The following KCTD8 variants were observed in gnomAD, a reference collection of about 807,000 sequenced individuals.
KCTD8 encodes BTB/POZ domain-containing protein KCTD8.
In KCTD8, 27 loss-of-function variants were observed where a neutral mutation model predicts 31.5. The observed-to-expected ratio is 0.86, with a 90% CI of 0.63 to 1.18. The LOEUF is 1.18. Ranked by LOEUF, KCTD8 falls within the 50% of genes most tolerant of loss-of-function variation. The pLI is 0.00. For synonymous variants in KCTD8, 290 were observed against 280.0 expected, an observed-to-expected ratio of 1.04 and a Z score of -0.36; for missense variants, 658 against 647.7, an observed-to-expected ratio of 1.02 and a Z score of -0.17.
At chr4:44,200,285 G>T (rs1198182235) in intron 1 of KCTD8, among the ~76,000 whole-genome samples, 5 of 151,792 alleles carry the variant, frequency 3.3e-5, no homozygotes, top group Admixed American at 3.3e-4. Context: ...CCAAGAAGGA[G>T]GGGCTCCTCC....
At chr4:44,410,854 G>T (rs1720935857) in intron 1 of KCTD8, among the ~76,000 whole-genome samples, 1 of 152,096 alleles carries the variant, frequency 6.6e-6, no homozygotes, top group East Asian at 1.9e-4. Context: ...ATTAGATTTG[G>T]GTGGGGACAC....
At chr4:44,268,374 G>C (rs1360754600) in intron 1 of KCTD8, among the ~76,000 whole-genome samples, 1 of 152,082 alleles carries the variant, frequency 6.6e-6, no homozygotes, top group Admixed American at 6.6e-5. Flanking sequence ...CAAGAAATTA[G>C]GTATTGATGG....
intron 1 of KCTD8, among the ~76,000 whole-genome samples, chr4:44,385,013 A>C (rs939036340): frequency 1.3e-5 from 2 of 151,628 alleles, no homozygotes; most frequent in Non-Finnish European, 3.0e-5. Context: ...TATAGGAATA[A>C]GCTTAACCAA....
intron 1 of KCTD8, among the ~76,000 whole-genome samples, chr4:44,310,579 T>C (rs1717920275): frequency 6.6e-6 from 1 of 152,048 alleles, no homozygotes; most frequent in African/African-American, 2.4e-5. Context: ...TATTTTACTA[T>C]AAAAGTTTAT....
chr4:44,335,773 A>AT (rs1172702136), intron 1 of KCTD8, among the ~76,000 whole-genome samples: 2 of 152,160 alleles, frequency 1.3e-5, no homozygotes, highest in Admixed American at 6.6e-5. Context: ...AAGAAAAATG[A>AT]TTTTCTAGAG....
chr4:44,289,312 A>T (rs2130642), intron 1 of KCTD8, among the ~76,000 whole-genome samples: 64,352 of 151,678 alleles, frequency 0.42, 13,771 homozygotes, highest in Non-Finnish European at 0.47. Flanking sequence ...ATTCAAAGAA[A>T]CAAAAGTATA....
rs190899932 is a variant in KCTD8, at chr4:44,192,432, A to T, written c.962-17182T>A. Among the ~76,000 whole-genome samples, 1,319 of 151,836 alleles carry T rather than the reference A, an allele frequency of 8.7e-3. 16 individuals are homozygous for T. The highest frequency in any genetic ancestry group is 0.03 in the African/African-American group (1,245 of 41,388). On this transcript the variant is annotated intron_variant, in intron 1 of 1. Coordinates refer to ENST00000360029, the MANE Select transcript of KCTD8 (RefSeq NM_198353.3). ...CTCGTATGTCCTGAGGGGAAAAAAA[A>T]AATCTATCTCAAACAGTGGATGGGG...
chr4:44,317,365 G>A (rs1461287969), intron 1 of KCTD8, among the ~76,000 whole-genome samples: 3 of 140,268 alleles, frequency 2.1e-5, no homozygotes, highest in Non-Finnish European at 3.0e-5. Flanking sequence ...TCAGCCTCCC[G>A]AGTAGCTGGG....
chr4:44,409,034 G>A (rs1720890052), intron 1 of KCTD8, among the ~76,000 whole-genome samples: 1 of 151,816 alleles, frequency 6.6e-6, no homozygotes, highest in Non-Finnish European at 1.5e-5. Context: ...TTTGTGTCCA[G>A]GAGTTTGAGA....
intron 1 of KCTD8, among the ~76,000 whole-genome samples, chr4:44,329,923 C>A (rs1226687013): frequency 6.6e-6 from 1 of 151,686 alleles, no homozygotes; most frequent in Non-Finnish European, 1.5e-5. Context: ...CATTGAAGAC[C>A]ACAGAAGCTT....
At chr4:44,436,419 T>A (rs919462546) in intron 1 of KCTD8, among the ~76,000 whole-genome samples, 10 of 152,020 alleles carry the variant, frequency 6.6e-5, no homozygotes, top group African/African-American at 2.4e-4. Context: ...AGAGAGACTA[T>A]CTTATATTAA....
intron 1 of KCTD8, among the ~76,000 whole-genome samples, chr4:44,439,318 T>C (rs1721757290): frequency 2.0e-5 from 3 of 152,330 alleles, no homozygotes; most frequent in Admixed American, 6.5e-5. Context: ...TTCTTTATTA[T>C]ATTAGTTTCT....
chr4:44,268,112 T>A (rs1489621004), intron 1 of KCTD8, among the ~76,000 whole-genome samples: 2 of 152,010 alleles, frequency 1.3e-5, no homozygotes, highest in Non-Finnish European at 2.9e-5. Context: ...TCAGACCAAT[T>A]TCCTTGATGA....
At chr4:44,260,207 T>C (rs897604154) in intron 1 of KCTD8, among the ~76,000 whole-genome samples, 1 of 151,884 alleles carries the variant, frequency 6.6e-6, no homozygotes, top group African/African-American at 2.4e-5. Flanking sequence ...ATATCTTGAA[T>C]ATCTTCTAGG....
chr4:44,267,358 C>A (rs1442983809), intron 1 of KCTD8, among the ~76,000 whole-genome samples: 1 of 152,122 alleles, frequency 6.6e-6, no homozygotes, highest in Non-Finnish European at 1.5e-5. Flanking sequence ...AGAACAAAGA[C>A]ACAACATACC....
chr4:44,186,764 G>C (rs1342892679), intron 1 of KCTD8, among the ~76,000 whole-genome samples: 5 of 152,228 alleles, frequency 3.3e-5, no homozygotes, highest in Non-Finnish European at 7.3e-5. Context: ...TTATGGGATA[G>C]AGAGTTTTTC....
At chr4:44,225,199 C>T (rs564220497) in intron 1 of KCTD8, among the ~76,000 whole-genome samples, 83 of 152,302 alleles carry the variant, frequency 5.4e-4, no homozygotes, top group African/African-American at 1.9e-3. Flanking sequence ...TTTTATTTAT[C>T]ATTAAGTTCT....
At chr4:44,429,272 G>A (rs771399872) in intron 1 of KCTD8, among the ~76,000 whole-genome samples, 1 of 151,786 alleles carries the variant, frequency 6.6e-6, no homozygotes, top group Non-Finnish European at 1.5e-5. Flanking sequence ...TTGGACAAGG[G>A]CTCACACATT....
intron 1 of KCTD8, among the ~76,000 whole-genome samples, chr4:44,267,090 C>T (rs891564270): frequency 1.3e-5 from 2 of 152,166 alleles, no homozygotes. Context: ...ACAGAATATA[C>T]ATTTTTTTCA....
Sources: allele counts gnomAD v4.1 joint callset (sites outside exome capture counted in the v4.1 genomes callset), GRCh38; gene constraint gnomAD v4.1.1; transcripts MANE v1.5; gene names NCBI Gene and HGNC (gene_info 2026-07-23, HGNC 2026-07-21).